The following RORA variants were observed in gnomAD, a reference collection of about 807,000 sequenced individuals.
RORA encodes nuclear receptor ROR-alpha.
A neutral mutation model predicts 69.5 loss-of-function variants in RORA; 7 were observed. The observed-to-expected ratio is 0.10, with a 90% CI of 0.06 to 0.19. RORA has a LOEUF of 0.19. Among genes scored for constraint, RORA ranks in the 10% least tolerant of loss-of-function variants. The probability of loss-of-function intolerance (pLI) is 1.00; values close to 1 mark genes in which losing one functional copy is unlikely to be tolerated. For missense variants in RORA, 457 were observed against 663.0 expected (o/e 0.69, Z 3.41); for synonymous variants, 261 against 240.8 (o/e 1.08, Z -0.78).
At chr15:61,032,275 G>A (rs970924412) in intron 1 of RORA, among the ~76,000 whole-genome samples, 1 of 152,170 alleles carries the variant, frequency 6.6e-6, no homozygotes, top group Non-Finnish European at 1.5e-5. Context: ...TGACCCAAAT[G>A]TAATTTAAAG....
At chr15:61,066,981 T>G (rs2078270316) in intron 1 of RORA, among the ~76,000 whole-genome samples, 1 of 151,666 alleles carries the variant, frequency 6.6e-6, no homozygotes, top group Non-Finnish European at 1.5e-5. Flanking sequence ...AAGGTACGAT[T>G]GTGGAAAAGA....
chr15:60,568,512 G>T (rs912825922), intron 2 of RORA, among the ~76,000 whole-genome samples: 1 of 152,216 alleles, frequency 6.6e-6, no homozygotes, highest in Admixed American at 6.5e-5. Flanking sequence ...GTGTCAGAAT[G>T]ATTCTAAGGA....
intron 2 of RORA, among the ~76,000 whole-genome samples, chr15:60,648,032 G>A (rs954007297): frequency 1.3e-5 from 2 of 152,210 alleles, no homozygotes; most frequent in East Asian, 3.8e-4. Context: ...CCAAAGGGGA[G>A]GCTGTAATGC....
At chr15:60,884,044 T>C (rs925752190) in intron 1 of RORA, among the ~76,000 whole-genome samples, 1 of 152,224 alleles carries the variant, frequency 6.6e-6, no homozygotes, top group Non-Finnish European at 1.5e-5. Context: ...TCGTTGGTTA[T>C]AGCCTCCAGT....
At chr15:61,074,106 A>G (rs1566975828) in intron 1 of RORA, among the ~76,000 whole-genome samples, 1 of 152,188 alleles carries the variant, frequency 6.6e-6, no homozygotes, top group African/African-American at 2.4e-5. Context: ...TGTGCTTGCT[A>G]TTATCATGAA....
chr15:61,084,232 T>C (rs1267664966), intron 1 of RORA, among the ~76,000 whole-genome samples: 1 of 152,202 alleles, frequency 6.6e-6, no homozygotes, highest in African/African-American at 2.4e-5. Context: ...GTTTGGTTCT[T>C]TGGGAAAGCA....
chr15:60,608,682 T>G (rs892373294), intron 2 of RORA, among the ~76,000 whole-genome samples: 7 of 152,214 alleles, frequency 4.6e-5, no homozygotes, highest in South Asian at 4.1e-4. Context: ...GTTTTTTATT[T>G]CTTCTTCAGA....
At position 60,488,309 on chromosome 15, in the gene RORA, A is replaced by G. The variant is rs2064983531; in HGVS notation, c.*9146T>C. 6.6e-6 allele frequency: 1 copy of G among 152,274 alleles called. No individual in the cohort carries two copies. The highest frequency in any genetic ancestry group is 6.5e-5 in the Admixed American group (1 of 15,286). 9.4% of individuals were successfully genotyped at this position (152,274 alleles called of 1,614,324 possible). ...TTCCATTAGAAGCTGAAGTTTTATT[A>G]TAGGATAACAGTACATAAAGCACAT... is the stretch of plus-strand genomic sequence containing the variant. On this transcript the variant is annotated 3_prime_UTR_variant, in exon 11 of 11. Coordinates refer to ENST00000335670, the MANE Select transcript of RORA (RefSeq NM_134261.3).
At chr15:61,063,403 C>T (rs1376836735) in intron 1 of RORA, among the ~76,000 whole-genome samples, 1 of 152,106 alleles carries the variant, frequency 6.6e-6, no homozygotes, top group Non-Finnish European at 1.5e-5. Flanking sequence ...TTACCTAGAA[C>T]CTGGTATACA....
At chr15:60,634,225 A>G (rs142229002) in intron 2 of RORA, among the ~76,000 whole-genome samples, 120 of 152,338 alleles carry the variant, frequency 7.9e-4, no homozygotes, top group African/African-American at 2.7e-3. Flanking sequence ...GATACACAGC[A>G]TGCACATTCT....
chr15:60,912,880 C>T (rs1430992143), intron 1 of RORA, among the ~76,000 whole-genome samples: 1 of 152,174 alleles, frequency 6.6e-6, no homozygotes, highest in Non-Finnish European at 1.5e-5. Context: ...TTTACAACTG[C>T]TTTACTGAGG....
chr15:61,089,159 A>C (rs1245803896), intron 1 of RORA, among the ~76,000 whole-genome samples: 1 of 152,216 alleles, frequency 6.6e-6, no homozygotes, highest in Non-Finnish European at 1.5e-5. Flanking sequence ...CACCTCAAGC[A>C]TAACAAAAGG....
At chr15:60,999,850 T>C (rs1295674071) in intron 1 of RORA, among the ~76,000 whole-genome samples, 1 of 152,190 alleles carries the variant, frequency 6.6e-6, no homozygotes, top group East Asian at 1.9e-4. Context: ...CTTGTGGCCA[T>C]TTAGAAGAGG....
chr15:60,603,732 A>G (rs12914519), intron 2 of RORA, among the ~76,000 whole-genome samples: 63,404 of 152,078 alleles, frequency 0.42, 13,370 homozygotes, highest in African/African-American at 0.48. Context: ...AACACATTGT[A>G]TTTTCTCCAT....
rs1470533402 is a variant in RORA, at chr15:60,912,819, C to T, written c.167-234133G>A. On this transcript the variant is annotated intron_variant, in intron 1 of 10. Coordinates refer to ENST00000335670, the MANE Select transcript of RORA (RefSeq NM_134261.3). ...CAAAAAAAATCACCACCTCTAGGTGCTAGAGAAACAGTGTTTGGGGAATCC... is the reference window on the plus strand; with the variant it reads ...CAAAAAAAATCACCACCTCTAGGTGTTAGAGAAACAGTGTTTGGGGAATCC... 1.3e-5 allele frequency among the ~76,000 whole-genome samples: 2 copies of T among 152,076 alleles called. 1 individual carries two copies. Among genetic ancestry groups the T allele is most frequent in the Admixed American group, 1.3e-4 (2 of 15,284 alleles).
At chr15:60,627,582 TCTCCC>T in intron 2 of RORA, 2 of 1,244,460 alleles carry the variant, frequency 1.6e-6, no homozygotes, top group Non-Finnish European at 2.0e-6. Context: ...TACTTACAAT[TCTCCC>T]ATAATTGTTG....
chr15:60,990,324 G>C (rs535630776), intron 1 of RORA, among the ~76,000 whole-genome samples: 1 of 152,208 alleles, frequency 6.6e-6, no homozygotes, highest in South Asian at 2.1e-4. Context: ...ATTAGCCCTT[G>C]TTTTAGGATA....
At chr15:60,711,278 A>G (rs1197530586) in intron 1 of RORA, among the ~76,000 whole-genome samples, 3 of 152,176 alleles carry the variant, frequency 2.0e-5, no homozygotes, top group Non-Finnish European at 2.9e-5. Flanking sequence ...TCTAAACTGC[A>G]TACTTCTGCA....
At chr15:61,018,164 GA>G (rs751232373) in intron 1 of RORA, among the ~76,000 whole-genome samples, 4 of 152,096 alleles carry the variant, frequency 2.6e-5, no homozygotes, top group Admixed American at 6.5e-5. Flanking sequence ...TGATAAAATG[GA>G]ACATCTTCGT....
Sources: gnomAD v4.1 joint callset for allele counts (sites outside exome capture counted in the v4.1 genomes callset) on GRCh38, gnomAD v4.1.1 for gene constraint, MANE v1.5 for transcripts, NCBI Gene and HGNC (gene_info 2026-07-23, HGNC 2026-07-21) for gene names.